The following COL5A1 variants were observed in gnomAD, a reference collection of about 807,000 sequenced individuals.
COL5A1 encodes the protein collagen type V alpha 1 chain.
COL5A1 carries 16 observed loss-of-function variants against 263.7 expected under a neutral mutation model. The ratio of observed to expected loss-of-function variants is 0.06; its 90% confidence interval spans 0.04 to 0.09. The LOEUF (loss-of-function observed/expected upper bound fraction) is 0.09. Ranked by LOEUF, COL5A1 falls within the 10% of genes least tolerant of loss-of-function variation. COL5A1 has a pLI of 1.00. For missense variants in COL5A1, 2,036 were observed against 2,540.5 expected, an observed-to-expected ratio of 0.80 and a Z score of 4.27; for synonymous variants, 1,012 against 1,004.5, an observed-to-expected ratio of 1.01 and a Z score of -0.14.
chr9:134,748,072 C>CATG, intron 11 of COL5A1, among the ~76,000 whole-genome samples: 1 of 151,842 alleles, frequency 6.6e-6, no homozygotes, highest in Non-Finnish European at 1.5e-5. Flanking sequence ...CATGCACACA[C>CATG]CCACAAACAT....
chr9:134,780,170 G>C, intron 28 of COL5A1, 24 bp downstream of exon 28: 1 of 1,612,630 alleles, frequency 6.2e-7, no homozygotes, highest in Non-Finnish European at 8.5e-7. Flanking sequence ...TGCAGCCACG[G>C]GGCCCCCTGC....
At chr9:134,707,701 C>T (rs75956031) in intron 4 of COL5A1, among the ~76,000 whole-genome samples, 1 of 152,338 alleles carries the variant, frequency 6.6e-6, no homozygotes, top group African/African-American at 2.4e-5. Flanking sequence ...CCTTTGGAGC[C>T]TCTGGATCCT....
chr9:134,713,140 C>T (rs1249001635), intron 4 of COL5A1, among the ~76,000 whole-genome samples: 3 of 152,260 alleles, frequency 2.0e-5, no homozygotes, highest in Non-Finnish European at 4.4e-5. Flanking sequence ...CACGTGGCCT[C>T]ACCCTGCCCT....
At position 134,732,449 on chromosome 9, in the gene COL5A1, C is replaced by T. The variant is rs187235978; in HGVS notation, c.1389+322C>T. 75 of 511,992 alleles carry T rather than the reference C, an allele frequency of 1.5e-4. 1 individual carries two copies. In the Admixed American group the frequency reaches 1.8e-3, roughly 13 times the overall value. The allele number at this position is 511,992 out of a possible 1,614,324, so 31.7% of individuals were successfully genotyped here. A position where few individuals can be genotyped will look rare whatever the true frequency, so the allele number is the denominator to read the frequency against. On this transcript the variant is annotated intron_variant, in intron 9 of 65. Coordinates refer to ENST00000371817, the MANE Select transcript of COL5A1 (RefSeq NM_000093.5). Reference sequence around the variant, plus strand: ...GAAAAGCAGCTCAGAGCTATCGAGGCGGAGGCGGAGTCCCCTTTGAGGGGT... The same window carrying T: ...GAAAAGCAGCTCAGAGCTATCGAGGTGGAGGCGGAGTCCCCTTTGAGGGGT...
rs150553829 is a variant in COL5A1 at position 134,664,892 on chromosome 9, T to C, written c.109+22596T>C. On this transcript the variant is annotated intron_variant, in intron 1 of 65. Transcript: ENST00000371817. ...GCCTGGCCAACATGATGAAACTCCA[T>C]CTCTACTAAAAATACAAAAACTAGA... 4.1e-4 allele frequency among the ~76,000 whole-genome samples: 62 copies of C among 152,248 alleles called. No homozygotes were observed. In the East Asian group the frequency reaches 0.012, roughly 29 times the overall value.
chr9:134,835,785 T>G (rs951214293), intron 65 of COL5A1, among the ~76,000 whole-genome samples: 7 of 152,196 alleles, frequency 4.6e-5, no homozygotes, highest in African/African-American at 1.7e-4. Context: ...CTCATACCCA[T>G]GGGCCTTCCC....
rs777139378 is a variant in COL5A1, at chr9:134,758,193, T to A, written c.1882-50T>A. The A allele has an allele frequency of 1.2e-6, 2 of 1,603,544 alleles. No individual in the cohort carries two copies. The highest frequency in any genetic ancestry group is 3.3e-5 in the Admixed American group (2 of 59,996). ...ACTTGGTGGACACCAAGGCGGGGTG[T>A]CCACGTGTGCAGGGTGGCGTCTGAG... On this transcript the variant is annotated intron_variant, in intron 17 of 65. Transcript: ENST00000371817. This position sits in a 1 kb window ranked among gnomAD's most constrained non-coding sequence, Gnocchi z 4.1.
intron 36 of COL5A1, among the ~76,000 whole-genome samples, chr9:134,798,092 C>T (rs1010306091): frequency 5.9e-5 from 9 of 152,182 alleles, no homozygotes; most frequent in East Asian, 1.9e-4. Context: ...GTCCTGGCAC[C>T]GGCTGTGTCA....
rs183622920 is a variant in COL5A1, at chr9:134,796,188, C to T, written c.2800-186C>T. 3.0e-3 allele frequency among the ~76,000 whole-genome samples: 450 copies of T among 152,348 alleles called. 1 individual carries two copies. Among genetic ancestry groups the T allele is most frequent in the Admixed American group, 6.0e-3 (92 of 15,310 alleles). ...TCAGCTGCATGCAGAGGCACGGGGA[C>T]AGGCAGGCTTTGATAGCCACAGATC... On this transcript the variant is annotated intron_variant, in intron 34 of 65. Coordinates refer to ENST00000371817, the MANE Select transcript of COL5A1 (RefSeq NM_000093.5).
At chr9:134,831,525 C>T (rs972326820) in intron 64 of COL5A1, among the ~76,000 whole-genome samples, 1 of 152,162 alleles carries the variant, frequency 6.6e-6, no homozygotes, top group Non-Finnish European at 1.5e-5. Flanking sequence ...GCTGCTTGGC[C>T]CGGAGGGACA....
intron 28 of COL5A1, among the ~76,000 whole-genome samples, chr9:134,780,952 T>C (rs1470177878): frequency 6.6e-6 from 1 of 152,236 alleles, no homozygotes; most frequent in Non-Finnish European, 1.5e-5. Context: ...ATACTTGCTT[T>C]CCGTAAGGCA....
chr9:134,785,916 C>T lies in COL5A1; in HGVS notation c.2593-79C>T, dbSNP rs1395250988. ...CCTCCTCCAGGCCCCTGCCAGAACGCATGTCCTTTCTCTCTGCTCCGGGGA... is the reference window on the plus strand; with the variant it reads ...CCTCCTCCAGGCCCCTGCCAGAACGTATGTCCTTTCTCTCTGCTCCGGGGA... On this transcript the variant is annotated intron_variant, in intron 30 of 65. Transcript: ENST00000371817. 6.7e-6 allele frequency: 9 copies of T among 1,349,650 alleles called. No homozygotes were observed. In the African/African-American group the frequency reaches 7.2e-5, roughly 11 times the overall value. The allele number at this position is 1,349,650 out of a possible 1,614,324, so 83.6% of individuals were successfully genotyped here.
intron 28 of COL5A1, 78 bp from the exon 29 acceptor site, chr9:134,782,589 T>G: frequency 7.4e-7 from 1 of 1,345,706 alleles, no homozygotes; most frequent in Non-Finnish European, 1.1e-6. Context: ...TGAGTGTGGT[T>G]GTTTGGAGCG....
At chr9:134,840,125 C>T (rs763011384) in intron 65 of COL5A1, among the ~76,000 whole-genome samples, 1 of 152,230 alleles carries the variant, frequency 6.6e-6, no homozygotes, top group African/African-American at 2.4e-5. Flanking sequence ...ATGCAGATTC[C>T]GAGTCCCACC....
In COL5A1 at chr9:134,728,733, G is replaced by A. The variant is rs75648697; in HGVS notation, c.850G>A (p.Glu284Lys). ...CGAATACCCCTACTACGAAGACCCCGAAGACCTAGGGAAGGAGCCCACCCC... is the reference window on the plus strand; with the variant it reads ...CGAATACCCCTACTACGAAGACCCCAAAGACCTAGGGAAGGAGCCCACCCC... ...YYEYPYYEDP[E>K]DLGKEPTPSK... The change falls in exon 6 of 66, where the codon GAA (glutamate) becomes AAA (lysine). Residue 284 changes from glutamate to lysine, a missense_variant. Glu to Lys is a moderately conservative substitution (Grantham distance 56). This residue lies in a region of COL5A1 where 600 missense variants were observed against 634.5 expected (regional missense o/e 0.95). Transcript: ENST00000371817. 8.7e-5 allele frequency: 140 copies of A among 1,614,182 alleles called. 2 individuals carry two copies. The East Asian group carries it at 2.0e-3, about 23-fold the overall frequency.
At position 134,654,314 on chromosome 9, in the gene COL5A1, G is replaced by C. The variant is rs1330189600; in HGVS notation, c.109+12018G>C. On this transcript the variant is annotated intron_variant, in intron 1 of 65. Transcript: ENST00000371817. ...AGCTGGTGTGTATAGGGCTGGAGGA[G>C]TGTAGGGCTGGGGTGTGTGTAGGGC... is the stretch of plus-strand genomic sequence containing the variant. 5.6e-5 allele frequency among the ~76,000 whole-genome samples: 7 copies of C among 124,628 alleles called. 1 individual carries two copies. Among genetic ancestry groups the C allele is most frequent in the African/African-American group, 2.2e-4 (7 of 31,942 alleles). The allele number at this position is 124,628 out of a possible 152,430, so 81.8% of individuals were successfully genotyped here.
chr9:134,745,295 G>C (rs1010335462), intron 11 of COL5A1, among the ~76,000 whole-genome samples: 1 of 152,202 alleles, frequency 6.6e-6, no homozygotes, highest in African/African-American at 2.4e-5. Flanking sequence ...GGGAGCAAAG[G>C]CCTCGGGACA....
rs557911348 is a variant in COL5A1, at chr9:134,789,750, C to T, written c.2700+542C>T. Among the ~76,000 whole-genome samples, 29 of 152,210 alleles carry T rather than the reference C, an allele frequency of 1.9e-4. No homozygotes were observed. Among genetic ancestry groups the T allele is most frequent in the African/African-American group, 6.3e-4 (26 of 41,462 alleles). Reference sequence around the variant, plus strand: ...CACCCTCAGCGAAGGAACAGGGGGCCGGGCTGAGGGAGCTGTGTTCTCCCT... The same window carrying T: ...CACCCTCAGCGAAGGAACAGGGGGCTGGGCTGAGGGAGCTGTGTTCTCCCT... On this transcript the variant is annotated intron_variant, in intron 32 of 65. Transcript: ENST00000371817. This position sits in a 1 kb window ranked among gnomAD's most constrained non-coding sequence, Gnocchi z 4.8.
Position 134,843,802 on chromosome 9 carries a change from G to A in COL5A1, c.*1499G>A, listed in dbSNP as rs952690204. ...TGGAGTAATGTACAATGAACTCCAT[G>A]AGTCTCTCCAGGGCTGCCTGCAGCA... On this transcript the variant is annotated 3_prime_UTR_variant, in exon 66 of 66. Transcript: ENST00000371817. The A allele has an allele frequency of 1.3e-5, 2 of 152,698 alleles. No individual in the cohort carries two copies. The highest frequency in any genetic ancestry group is 2.9e-5 in the Non-Finnish European group (2 of 68,054). The allele number at this position is 152,698 out of a possible 1,614,324, so 9.5% of individuals were successfully genotyped here.
Sources: gnomAD v4.1 joint callset for allele counts (sites outside exome capture counted in the v4.1 genomes callset) on GRCh38, gnomAD v4.1.1 for gene constraint, gnomAD v4.1.1 regional missense constraint, Gnocchi (gnomAD v3.1) non-coding constraint, MANE v1.5 for transcripts, NCBI Gene and HGNC (gene_info 2026-07-23, HGNC 2026-07-21) for gene names.